NSUN3: variants seen among roughly 807,000 people sequenced by gnomAD.
NSUN3 encodes the protein NOP2/Sun RNA methyltransferase 3, also known as tRNA (cytosine(34)-C(5))-methyltransferase, mitochondrial.
NSUN3 carries 24 observed loss-of-function variants against 36.8 expected under a neutral mutation model. The ratio of observed to expected loss-of-function variants is 0.65; its 90% CI spans 0.47 to 0.92. The LOEUF is 0.92. NSUN3 is among the 40% of genes least tolerant of loss of function. NSUN3 has a pLI of 0.00. For missense variants in NSUN3, 381 were observed against 392.8 expected, an observed-to-expected ratio of 0.97 and a Z score of 0.25; for synonymous variants, 146 against 145.2, an observed-to-expected ratio of 1.01 and a Z score of -0.04.
intron 2 of NSUN3, among the ~76,000 whole-genome samples, chr3:94,083,463 G>C (rs574929748): frequency 9.9e-5 from 15 of 152,284 alleles, no homozygotes; most frequent in African/African-American, 3.4e-4. Flanking sequence ...TAAATGATGT[G>C]GTGGCCCGCA....
intron 3 of NSUN3, among the ~76,000 whole-genome samples, chr3:94,088,670 C>CT (rs747748539): frequency 0.016 from 2,182 of 132,446 alleles, 48 homozygotes; most frequent in African/African-American, 0.049. Context: ...GGGACAGATC[C>CT]TTTTTTTTTT....
chr3:94,087,587 AC>A (rs1377226863), intron 3 of NSUN3, among the ~76,000 whole-genome samples: 1 of 152,214 alleles, frequency 6.6e-6, no homozygotes, highest in Non-Finnish European at 1.5e-5. Context: ...ACTAAGGATG[AC>A]CCAGCTTGGT....
chr3:94,106,338 G>A (rs930991946), intron 5 of NSUN3, among the ~76,000 whole-genome samples: 17 of 152,080 alleles, frequency 1.1e-4, no homozygotes, highest in African/African-American at 2.7e-4. Flanking sequence ...AAGAATAGCC[G>A]CTGGGTATGG....
intron 5 of NSUN3, among the ~76,000 whole-genome samples, chr3:94,120,085 T>C (rs975434255): frequency 2.0e-5 from 3 of 152,258 alleles, no homozygotes; most frequent in Non-Finnish European, 4.4e-5. Context: ...GGCTTCTATG[T>C]ACTTTTGTAC....
chr3:94,115,659 C>T (rs1470300867), intron 5 of NSUN3, among the ~76,000 whole-genome samples: 1 of 152,108 alleles, frequency 6.6e-6, no homozygotes, highest in Non-Finnish European at 1.5e-5. Flanking sequence ...ACTCTCGTTT[C>T]GGTCAAAAGA....
intron 3 of NSUN3, among the ~76,000 whole-genome samples, chr3:94,086,758 C>T (rs187273764): frequency 6.6e-6 from 1 of 152,224 alleles, no homozygotes; most frequent in Admixed American, 6.5e-5. Context: ...TACAAGTTTA[C>T]CTCGTTATTT....
At chr3:94,113,331 C>T (rs1015275432) in intron 5 of NSUN3, among the ~76,000 whole-genome samples, 2 of 152,108 alleles carry the variant, frequency 1.3e-5, no homozygotes, top group Non-Finnish European at 2.9e-5. Flanking sequence ...TGGACATTTC[C>T]AGAGAAATTT....
intron 4 of NSUN3, 27 bp from the exon 5 acceptor site, chr3:94,095,006 T>A: frequency 1.2e-6 from 2 of 1,612,452 alleles, no homozygotes; most frequent in Non-Finnish European, 1.7e-6. Context: ...AGTGCATATT[T>A]GCATCACTTG....
At chr3:94,094,342 C>G in intron 4 of NSUN3, 48 bp downstream of exon 4, 1 of 1,529,302 alleles carries the variant, frequency 6.5e-7, no homozygotes, top group Non-Finnish European at 8.9e-7. Flanking sequence ...AGTAATACCA[C>G]TATTATGTTG....
intron 2 of NSUN3, chr3:94,077,204 A>T: frequency 1.5e-6 from 1 of 675,922 alleles, no homozygotes; most frequent in South Asian, 1.6e-5. Context: ...GGAATACTGG[A>T]GTCGGGTGTT....
chr3:94,064,356 T>TA (rs1332988873), intron 1 of NSUN3, 81 bp from the exon 2 acceptor site: 13 of 845,460 alleles, frequency 1.5e-5, no homozygotes, highest in Middle Eastern at 2.2e-4. Context: ...GTTCTTGTCT[T>TA]AAAAAAAGAC....
rs1375733254 is a variant in NSUN3, at chr3:94,113,225, G to A, written c.744-12986G>A. 2.6e-5 allele frequency among the ~76,000 whole-genome samples: 4 copies of A among 152,118 alleles called. No individual in the cohort carries two copies. In the South Asian group the frequency reaches 6.2e-4, roughly 24 times the overall value. ...TGAAAGATTTTACAATAATCAAGAA[G>A]TAGTTGACATAGCCCTTACGTAATG... On this transcript the variant is annotated intron_variant, in intron 5 of 5. Coordinates refer to ENST00000314622, the MANE Select transcript of NSUN3 (RefSeq NM_022072.5).
intron 5 of NSUN3, among the ~76,000 whole-genome samples, chr3:94,100,277 C>T (rs551989487): frequency 1.4e-4 from 21 of 152,294 alleles, no homozygotes; most frequent in Admixed American, 2.6e-4. Flanking sequence ...ACTTTATACA[C>T]GTGAGAACTT....
intron 3 of NSUN3, among the ~76,000 whole-genome samples, chr3:94,092,709 G>T (rs2077320547): frequency 6.6e-6 from 1 of 151,912 alleles, no homozygotes; most frequent in Non-Finnish European, 1.5e-5. Context: ...TTCCAGACCA[G>T]CCTGGCCAAC....
intron 2 of NSUN3, chr3:94,076,496 A>G (rs2077246897): frequency 5.1e-6 from 4 of 786,392 alleles, no homozygotes; most frequent in Non-Finnish European, 9.4e-6. Context: ...TTCTACTACT[A>G]CTGTATGCCC....
intron 2 of NSUN3, among the ~76,000 whole-genome samples, chr3:94,075,543 A>G (rs2077242304): frequency 6.6e-6 from 1 of 152,134 alleles, no homozygotes; most frequent in Admixed American, 6.5e-5. Context: ...CACCTACCTC[A>G]TTTGGCTCTA....
At chr3:94,106,971 C>CAT (rs1553852771) in intron 5 of NSUN3, among the ~76,000 whole-genome samples, 108 of 148,024 alleles carry the variant, frequency 7.3e-4, no homozygotes, top group African/African-American at 2.6e-3. Flanking sequence ...GCAATTAAAA[C>CAT]TTTTTTTTTT....
chr3:94,065,707 C>T (rs763708561), intron 2 of NSUN3, among the ~76,000 whole-genome samples: 5 of 152,038 alleles, frequency 3.3e-5, no homozygotes, highest in African/African-American at 7.3e-5. Context: ...ATATGCAAAC[C>T]GTTTATACTC....
chr3:94,094,618 G>C (rs1345348419), intron 4 of NSUN3, among the ~76,000 whole-genome samples: 1 of 152,186 alleles, frequency 6.6e-6, no homozygotes, highest in Non-Finnish European at 1.5e-5. Context: ...GAGTATGACA[G>C]TTGAAGAAAA....
Sources: allele counts gnomAD v4.1 joint callset (sites outside exome capture counted in the v4.1 genomes callset), GRCh38; gene constraint gnomAD v4.1.1; transcripts MANE v1.5; gene names NCBI Gene and HGNC (gene_info 2026-07-23, HGNC 2026-07-21).